CBLN2: variants seen among roughly 807,000 people sequenced by gnomAD.
CBLN2 encodes cerebellin-2.
CBLN2 carries 7 observed loss-of-function variants against 15.0 expected under a neutral mutation model. The ratio of observed to expected loss-of-function variants is 0.47; its 90% CI spans 0.27 to 0.88. The LOEUF (loss-of-function observed/expected upper bound fraction) is 0.88, where lower values mean the gene tolerates loss of function less well. Among genes scored for constraint, CBLN2 ranks in the 40% least tolerant of loss-of-function variants. CBLN2 has a pLI of 0.14. For synonymous variants in CBLN2, 149 were observed against 135.2 expected (o/e 1.10, Z -0.71); for missense variants, 242 against 304.5 (o/e 0.79, Z 1.53).
At chr18:72,636,967 A>G (rs954389985) in intron 1 of CBLN2, among the ~76,000 whole-genome samples, 2 of 152,068 alleles carry the variant, frequency 1.3e-5, no homozygotes, top group South Asian at 4.1e-4. Context: ...CACATGAAAA[A>G]AAAAATCTTA....
chr18:72,549,479 T>C (rs2069178676), intron 1 of CBLN2, among the ~76,000 whole-genome samples: 1 of 152,190 alleles, frequency 6.6e-6, no homozygotes. Flanking sequence ...AAATATATGA[T>C]GTTAAACTCA....
chr18:72,538,483 C>T lies in CBLN2; in HGVS notation c.478-110G>A, dbSNP rs1169465721. The T allele has an allele frequency of 9.8e-6, 14 of 1,428,488 alleles. No individual in the cohort carries two copies. In the East Asian group the frequency reaches 2.1e-4, roughly 21 times the overall value. The allele number at this position is 1,428,488 out of a possible 1,614,324, so 88.5% of individuals were successfully genotyped here. A position where few individuals can be genotyped will look rare whatever the true frequency, so the allele number is the denominator to read the frequency against. On this transcript the variant is annotated intron_variant, in intron 4 of 4. Transcript: ENST00000269503. Reference sequence around the variant, plus strand: ...CCACCCCCATCCTTCCCTTAGAGTACACATCAGGGGAGCCTGACAGTGAGC... The same window carrying T: ...CCACCCCCATCCTTCCCTTAGAGTATACATCAGGGGAGCCTGACAGTGAGC...
rs535530614 is a variant in CBLN2, at chr18:72,628,228, T to C, written c.15+10097A>G. On this transcript the variant is annotated intron_variant, in intron 1 of 2. Transcript: ENST00000581073. ...AGATCCCCTGTGTGTTCATTTTGCATTGGAACTTGCAAATTATGGAGCCAG... is the reference window on the plus strand; with the variant it reads ...AGATCCCCTGTGTGTTCATTTTGCACTGGAACTTGCAAATTATGGAGCCAG... Among the ~76,000 whole-genome samples, 5 of 152,346 alleles carry C rather than the reference T, an allele frequency of 3.3e-5. No individual in the cohort carries two copies. The South Asian group carries it at 1.0e-3, about 32-fold the overall frequency.
At chr18:72,595,056 C>A (rs1486054526) in intron 1 of CBLN2, among the ~76,000 whole-genome samples, 2 of 145,180 alleles carry the variant, frequency 1.4e-5, no homozygotes, top group African/African-American at 2.5e-5. Flanking sequence ...TTTATTATTT[C>A]TTTTCTTCTA....
intron 1 of CBLN2, among the ~76,000 whole-genome samples, chr18:72,622,810 C>T (rs1198355786): frequency 1.3e-5 from 2 of 152,094 alleles, no homozygotes; most frequent in Admixed American, 1.3e-4. Flanking sequence ...TGCAGTACCC[C>T]CCTCCGTGTT....
intron 1 of CBLN2, among the ~76,000 whole-genome samples, chr18:72,626,363 T>C (rs933842302): frequency 6.6e-6 from 1 of 152,080 alleles, no homozygotes; most frequent in Non-Finnish European, 1.5e-5. Flanking sequence ...AGTTTGGAGT[T>C]CTTTTGGTGA....
chr18:72,632,621 A>G (rs750596144), intron 1 of CBLN2, among the ~76,000 whole-genome samples: 1 of 152,174 alleles, frequency 6.6e-6, no homozygotes, highest in African/African-American at 2.4e-5. Flanking sequence ...CACCTGCTTT[A>G]GATTTTTTAC....
intron 1 of CBLN2, among the ~76,000 whole-genome samples, chr18:72,558,869 C>A (rs923205642): frequency 3.3e-5 from 5 of 152,116 alleles, no homozygotes; most frequent in African/African-American, 1.2e-4. Flanking sequence ...ACCTGGCCAA[C>A]ATGGCAAAAC....
chr18:72,594,480 A>G (rs1393408846), intron 1 of CBLN2, among the ~76,000 whole-genome samples: 2 of 150,844 alleles, frequency 1.3e-5, no homozygotes, highest in African/African-American at 4.9e-5. Flanking sequence ...TGGTTTTGGT[A>G]TCAAGGTTAT....
chr18:72,584,226 ACT>A (rs1361968353), intron 1 of CBLN2, among the ~76,000 whole-genome samples: 3 of 150,372 alleles, frequency 2.0e-5, no homozygotes, highest in African/African-American at 7.4e-5. Flanking sequence ...GCTTTCATGA[ACT>A]CTTAGTCAGT....
At chr18:72,632,610 A>C (rs745954721) in intron 1 of CBLN2, among the ~76,000 whole-genome samples, 7 of 152,160 alleles carry the variant, frequency 4.6e-5, no homozygotes, top group Non-Finnish European at 1.0e-4. Flanking sequence ...ATAATGTCAC[A>C]CACCTGCTTT....
chr18:72,588,598 A>G (rs1327066841), intron 1 of CBLN2, among the ~76,000 whole-genome samples: 1 of 152,194 alleles, frequency 6.6e-6, no homozygotes, highest in Non-Finnish European at 1.5e-5. Flanking sequence ...GGGAAGACAC[A>G]CTTCGACAGG....
intron 1 of CBLN2, among the ~76,000 whole-genome samples, chr18:72,602,593 C>T (rs115528831): frequency 0.012 from 1,891 of 152,168 alleles, 40 homozygotes; most frequent in African/African-American, 0.042. Context: ...GTCGGGGTGC[C>T]GCCGTGAAGG....
At chr18:72,576,131 C>T (rs2069365070) in intron 1 of CBLN2, among the ~76,000 whole-genome samples, 1 of 152,202 alleles carries the variant, frequency 6.6e-6, no homozygotes, top group Non-Finnish European at 1.5e-5. Context: ...GCAGTTTGCA[C>T]ATTTACAACG....
chr18:72,565,627 G>T lies in CBLN2; in HGVS notation c.16-26855C>A, dbSNP rs1184289218. ...AGCCCCATAATAACAACACATAAAA[G>T]GTACAGTAGTTACACAAATAAGAAA... On this transcript the variant is annotated intron_variant, in intron 1 of 2. Coordinates refer to the CBLN2 transcript ENST00000581073. 2.6e-5 allele frequency among the ~76,000 whole-genome samples: 4 copies of T among 152,156 alleles called. No individual in the cohort carries two copies. The East Asian group carries it at 7.7e-4, about 29-fold the overall frequency.
intron 1 of CBLN2, among the ~76,000 whole-genome samples, chr18:72,636,356 C>T (rs369972123): frequency 3.3e-5 from 5 of 152,214 alleles, no homozygotes; most frequent in South Asian, 2.1e-4. Flanking sequence ...GGTAAGTTAA[C>T]GTAACATAGC....
At chr18:72,599,571 C>A (rs925719203) in intron 1 of CBLN2, among the ~76,000 whole-genome samples, 1 of 151,930 alleles carries the variant, frequency 6.6e-6, no homozygotes, top group South Asian at 2.1e-4. Context: ...GCTGATTAAC[C>A]AAATTAGATA....
chr18:72,628,575 T>C (rs898992625), intron 1 of CBLN2, among the ~76,000 whole-genome samples: 8 of 152,170 alleles, frequency 5.3e-5, no homozygotes, highest in African/African-American at 1.9e-4. Context: ...ATTTGGGCTG[T>C]TCCCGCAAGA....
At chr18:72,544,395 G>T (rs527611498), upstream of CBLN2, 1 of 152,276 alleles carries the variant, frequency 6.6e-6, no homozygotes, top group African/African-American at 2.4e-5. Context: ...GTCCGCGCTC[G>T]CTCAAAGGAC....
Sources: gnomAD v4.1 joint callset for allele counts (sites outside exome capture counted in the v4.1 genomes callset) on GRCh38, gnomAD v4.1.1 for gene constraint, MANE v1.5 for transcripts, NCBI Gene and HGNC (gene_info 2026-07-23, HGNC 2026-07-21) for gene names.